Variants in MMP26 observed in about 807,000 individuals in gnomAD.
MMP26 encodes the protein matrix metallopeptidase 26.
A neutral mutation model predicts 31.0 loss-of-function variants in MMP26; 33 were observed. The observed-to-expected ratio is 1.06, with a 90% CI of 0.81 to 1.42. The LOEUF is 1.42. Ranked by LOEUF, MMP26 falls within the 40% of genes most tolerant of loss-of-function variation. MMP26 has a pLI of 0.00. For missense variants in MMP26, 347 were observed against 316.1 expected (o/e 1.10, Z -0.74); for synonymous variants, 122 against 114.9 (o/e 1.06, Z -0.40).
intron 2 of MMP26, among the ~76,000 whole-genome samples, chr11:4,884,372 C>A (rs1209565058): frequency 2.0e-5 from 3 of 152,086 alleles, no homozygotes; most frequent in Non-Finnish European, 4.4e-5. Flanking sequence ...TACCACAGTT[C>A]AGTATTTTAC....
chr11:4,732,426 AC>A (rs1848185031), intron 1 of MMP26, among the ~76,000 whole-genome samples: 1 of 152,050 alleles, frequency 6.6e-6, no homozygotes, highest in Admixed American at 6.6e-5. Flanking sequence ...TCACATACAT[AC>A]AATTCATTCA....
At chr11:4,876,016 G>T (rs1022665837) in intron 2 of MMP26, 1 of 152,090 alleles carries the variant, frequency 6.6e-6, no homozygotes, top group Admixed American at 6.6e-5. Context: ...AGAGGGAAGG[G>T]ATTGATAAAT....
chr11:4,869,328 G>A (rs1046926904), intron 2 of MMP26, among the ~76,000 whole-genome samples: 7 of 151,980 alleles, frequency 4.6e-5, no homozygotes, highest in Non-Finnish European at 8.8e-5. Context: ...TCTGACAAAG[G>A]GCTAATATCC....
At chr11:4,806,298 G>T (rs1034040397) in intron 2 of MMP26, among the ~76,000 whole-genome samples, 4 of 151,970 alleles carry the variant, frequency 2.6e-5, no homozygotes, top group African/African-American at 9.7e-5. Flanking sequence ...TGTCTCGTTG[G>T]TCTGTCTAAT....
At chr11:4,733,772 T>C (rs1224990355) in intron 1 of MMP26, among the ~76,000 whole-genome samples, 1 of 152,174 alleles carries the variant, frequency 6.6e-6, no homozygotes, top group Non-Finnish European at 1.5e-5. Context: ...TAGAGGGGAA[T>C]ATTCAGACTT....
At chr11:4,857,168 G>A (rs1850065974) in intron 2 of MMP26, among the ~76,000 whole-genome samples, 1 of 151,870 alleles carries the variant, frequency 6.6e-6, no homozygotes, top group Non-Finnish European at 1.5e-5. Flanking sequence ...AAGAACTAGA[G>A]AAGGAAGAGC....
At chr11:4,927,888 A>C (rs960481129) in intron 2 of MMP26, among the ~76,000 whole-genome samples, 1 of 152,068 alleles carries the variant, frequency 6.6e-6, no homozygotes, top group African/African-American at 2.4e-5. Context: ...ATCAGGTGTT[A>C]AGAGGGGAAT....
In MMP26 at chr11:4,769,229, A is replaced by G. The variant is rs752928356; in HGVS notation, c.-145+1888A>G. ...CTTGTGCCATTCTTCAGGGGAGGCA[A>G]TTCTGAGGACAGAGTGAATAATTAA... On this transcript the variant is annotated intron_variant, in intron 2 of 7. Coordinates refer to ENST00000380390, the MANE Select transcript of MMP26 (RefSeq NM_021801.5). 3.1e-6 allele frequency: 5 copies of G among 1,613,726 alleles called. No homozygotes were observed. The African/African-American group carries it at 5.3e-5, about 17-fold the overall frequency.
chr11:4,963,179 G>T (rs920868414), intron 2 of MMP26, among the ~76,000 whole-genome samples: 1 of 152,122 alleles, frequency 6.6e-6, no homozygotes, highest in Non-Finnish European at 1.5e-5. Context: ...ACTTACAAGG[G>T]ATGTGAAGGA....
chr11:4,920,350 CTTCCTTTCATACTGT>C (rs1328476094), intron 2 of MMP26, among the ~76,000 whole-genome samples: 3 of 152,058 alleles, frequency 2.0e-5, no homozygotes, highest in African/African-American at 7.2e-5. Context: ...CTTGCTGTAC[CTTCCTTTCATACTGT>C]TTCCACAATG....
chr11:4,835,431 C>A (rs921251889), intron 2 of MMP26, among the ~76,000 whole-genome samples: 1 of 151,898 alleles, frequency 6.6e-6, no homozygotes, highest in African/African-American at 2.4e-5. Flanking sequence ...TTTTTTTTCC[C>A]CTTAACTTAT....
intron 2 of MMP26, among the ~76,000 whole-genome samples, chr11:4,827,265 C>T (rs1849589282): frequency 1.3e-5 from 2 of 152,100 alleles, no homozygotes; most frequent in Non-Finnish European, 2.9e-5. Flanking sequence ...GCAGTCACCT[C>T]AGAATGAGGT....
chr11:4,782,246 T>C (rs888201306), intron 2 of MMP26, among the ~76,000 whole-genome samples: 21 of 152,196 alleles, frequency 1.4e-4, no homozygotes, highest in African/African-American at 4.8e-4. Context: ...ACAAAAATGC[T>C]GATAATGATA....
At chr11:4,813,047 A>G (rs1849371581) in intron 2 of MMP26, among the ~76,000 whole-genome samples, 1 of 151,740 alleles carries the variant, frequency 6.6e-6, no homozygotes, top group Non-Finnish European at 1.5e-5. Flanking sequence ...GTCCTGGAAA[A>G]TGAATATACC....
intron 1 of MMP26, among the ~76,000 whole-genome samples, chr11:4,735,741 T>C (rs1848231228): frequency 6.6e-6 from 1 of 152,142 alleles, no homozygotes; most frequent in Non-Finnish European, 1.5e-5. Flanking sequence ...GATTAAATTA[T>C]ATTTCAGAAT....
At chr11:4,898,895 T>C (rs1303017403) in intron 2 of MMP26, among the ~76,000 whole-genome samples, 1 of 150,632 alleles carries the variant, frequency 6.6e-6, no homozygotes, top group African/African-American at 2.4e-5. Flanking sequence ...GAAAAACAAC[T>C]GTAAGAATGT....
At chr11:4,726,037 A>C (rs1051694762) in intron 1 of MMP26, among the ~76,000 whole-genome samples, 1 of 152,214 alleles carries the variant, frequency 6.6e-6, no homozygotes, top group Non-Finnish European at 1.5e-5. Context: ...AATAGAGCAC[A>C]TTCACCAGAC....
intron 2 of MMP26, among the ~76,000 whole-genome samples, chr11:4,789,530 C>CTTTTTTTTTT (rs71050429): frequency 0.011 from 702 of 65,932 alleles, 115 homozygotes; most frequent in African/African-American, 0.029. Context: ...TATCCCCCCA[C>CTTTTTTTTTT]TTTTTTTTTT....
At chr11:4,869,315 C>T (rs1214820855) in intron 2 of MMP26, among the ~76,000 whole-genome samples, 1 of 151,996 alleles carries the variant, frequency 6.6e-6, no homozygotes, top group East Asian at 1.9e-4. Context: ...TACAATCTAC[C>T]CATCTGACAA....
Sources: allele counts gnomAD v4.1 joint callset (sites outside exome capture counted in the v4.1 genomes callset), GRCh38; gene constraint gnomAD v4.1.1; transcripts MANE v1.5; gene names NCBI Gene and HGNC (gene_info 2026-07-23, HGNC 2026-07-21).